The following QTMAN variants were observed in gnomAD, a reference collection of about 807,000 sequenced individuals.
The protein encoded by QTMAN is tRNA-queuosine alpha-mannosyltransferase.
the QTMAN span, among the ~76,000 whole-genome samples, chr2:144,265,828 A>G: frequency 6.6e-6 from 1 of 152,230 alleles, no homozygotes; most frequent in African/African-American, 2.4e-5. Context: ...TTACTCAGGT[A>G]AAATTAATCA....
the QTMAN span, among the ~76,000 whole-genome samples, chr2:144,302,695 T>C: frequency 6.6e-6 from 1 of 152,340 alleles, no homozygotes; most frequent in Admixed American, 6.5e-5. Flanking sequence ...GAATCAAAGA[T>C]GAGTACAGCA....
the QTMAN span, among the ~76,000 whole-genome samples, chr2:143,981,899 C>T: frequency 6.6e-6 from 1 of 152,094 alleles, no homozygotes; most frequent in Admixed American, 6.6e-5. Flanking sequence ...TGTATTCTTA[C>T]AAATGGGATA....
chr2:143,942,761 T>A, the QTMAN span: 1 of 167,084 alleles, frequency 6.0e-6, no homozygotes, highest in Non-Finnish European at 1.5e-5. Flanking sequence ...TGGCTCCTGT[T>A]AAGCAGAGGA....
the QTMAN span, among the ~76,000 whole-genome samples, chr2:144,283,499 T>C: frequency 6.6e-6 from 1 of 152,196 alleles, no homozygotes; most frequent in Non-Finnish European, 1.5e-5. Flanking sequence ...TGACATTGTA[T>C]TGTACTTTTC....
chr2:144,034,877 C>T, the QTMAN span, among the ~76,000 whole-genome samples: 1 of 152,140 alleles, frequency 6.6e-6, no homozygotes, highest in Admixed American at 6.5e-5. Flanking sequence ...ATTAAATTTT[C>T]TCAAGGTTTA....
the QTMAN span, among the ~76,000 whole-genome samples, chr2:143,960,743 A>G: frequency 0.011 from 1,624 of 152,244 alleles, 28 homozygotes; most frequent in African/African-American, 0.036. Flanking sequence ...GTGAGGAATA[A>G]AAAGTGTTTT....
chr2:144,051,765 C>G, the QTMAN span, among the ~76,000 whole-genome samples: 3 of 151,936 alleles, frequency 2.0e-5, no homozygotes, highest in Admixed American at 1.3e-4. Context: ...TTTGGGAGAG[C>G]AGGAAGGATC....
chr2:144,265,988 T>C, the QTMAN span, among the ~76,000 whole-genome samples: 1 of 152,180 alleles, frequency 6.6e-6, no homozygotes, highest in Non-Finnish European at 1.5e-5. Context: ...GCACCCTGTA[T>C]GCTCTAAGTG....
At chr2:143,941,956 ATGTGC>A in the QTMAN span, 1 of 153,260 alleles carries the variant, frequency 6.5e-6, no homozygotes, top group African/African-American at 2.4e-5. Flanking sequence ...ATGTCACTAT[ATGTGC>A]CTTAATTTTC....
the QTMAN span, among the ~76,000 whole-genome samples, chr2:144,301,210 T>C: frequency 6.6e-6 from 1 of 152,176 alleles, no homozygotes; most frequent in Non-Finnish European, 1.5e-5. Flanking sequence ...TTTTTTGTTT[T>C]GTCTTGTTTT....
the QTMAN span, among the ~76,000 whole-genome samples, chr2:144,067,087 C>T: frequency 5.3e-5 from 8 of 152,316 alleles, no homozygotes; most frequent in African/African-American, 1.9e-4. Flanking sequence ...GATGCTTTTA[C>T]ACTCATTATT....
chr2:144,255,331 A>G, the QTMAN span, among the ~76,000 whole-genome samples: 1 of 152,214 alleles, frequency 6.6e-6, no homozygotes, highest in Non-Finnish European at 1.5e-5. Flanking sequence ...TATGATAGTG[A>G]GTGAGTTCTC....
the QTMAN span, among the ~76,000 whole-genome samples, chr2:143,969,248 C>G: frequency 1.3e-5 from 2 of 152,130 alleles, no homozygotes; most frequent in Non-Finnish European, 2.9e-5. Flanking sequence ...AGTACCAGCC[C>G]TTCAATTAAC....
chr2:144,098,193 A>G, the QTMAN span, among the ~76,000 whole-genome samples: 10 of 152,194 alleles, frequency 6.6e-5, no homozygotes, highest in Non-Finnish European at 1.0e-4. Context: ...CACAACCAAT[A>G]CGTCAAAATT....
chr2:144,236,645 G>A, the QTMAN span, among the ~76,000 whole-genome samples: 1 of 151,936 alleles, frequency 6.6e-6, no homozygotes, highest in Non-Finnish European at 1.5e-5. Context: ...TTTATGACAA[G>A]GAAAAAATAA....
At chr2:144,307,952 ATTT>A in the QTMAN span, among the ~76,000 whole-genome samples, 1 of 152,198 alleles carries the variant, frequency 6.6e-6, no homozygotes, top group African/African-American at 2.4e-5. Flanking sequence ...TCCCAGAAGT[ATTT>A]TGTAGAAATG....
the QTMAN span, among the ~76,000 whole-genome samples, chr2:144,026,350 G>A: frequency 3.3e-5 from 5 of 152,066 alleles, no homozygotes; most frequent in East Asian, 1.9e-4. Flanking sequence ...CAGAAGAATC[G>A]CTTGAACCCA....
chr2:144,200,775 G>A, the QTMAN span, among the ~76,000 whole-genome samples: 1 of 152,154 alleles, frequency 6.6e-6, no homozygotes, highest in African/African-American at 2.4e-5. Context: ...CCATGAAAGT[G>A]AAAAAAATGT....
At chr2:144,324,777 T>C in the QTMAN span, among the ~76,000 whole-genome samples, 1 of 151,798 alleles carries the variant, frequency 6.6e-6, no homozygotes, top group East Asian at 1.9e-4. Context: ...TCAGGTGCTT[T>C]GAGTAAAGAA....
Sources: allele counts gnomAD v4.1 joint callset (sites outside exome capture counted in the v4.1 genomes callset), GRCh38; gene constraint gnomAD v4.1.1; transcripts MANE v1.5; gene names NCBI Gene and HGNC (gene_info 2026-07-23, HGNC 2026-07-21).